DCC: variants seen among roughly 807,000 people sequenced by gnomAD.
DCC encodes netrin receptor DCC.
Under a neutral mutation model 172.5 loss-of-function variants are expected in DCC, and 58 were observed. The observed-to-expected ratio is 0.34, with a 90% CI of 0.27 to 0.42. The LOEUF is 0.42. Among genes scored for constraint, DCC ranks in the 10% least tolerant of loss-of-function variants. DCC has a pLI of 1.00. For missense variants in DCC, 1,740 were observed against 1,791.0 expected (o/e 0.97, Z 0.51); for synonymous variants, 709 against 644.5 (o/e 1.10, Z -1.52).
intron 7 of DCC, among the ~76,000 whole-genome samples, chr18:53,133,043 G>C (rs1308874881): frequency 6.6e-6 from 1 of 152,118 alleles, no homozygotes; most frequent in Non-Finnish European, 1.5e-5. Flanking sequence ...TTTAGCCACA[G>C]GCCTACTATT....
At chr18:52,916,593 C>G (rs1206374062) in intron 3 of DCC, among the ~76,000 whole-genome samples, 1 of 152,164 alleles carries the variant, frequency 6.6e-6, no homozygotes, top group African/African-American at 2.4e-5. Context: ...GGTAAAAGAT[C>G]TATTCAAAAT....
At chr18:52,659,441 T>C (rs1055407745) in intron 1 of DCC, among the ~76,000 whole-genome samples, 6 of 152,300 alleles carry the variant, frequency 3.9e-5, no homozygotes, top group Admixed American at 3.9e-4. Flanking sequence ...AACCCAACGA[T>C]AATGAAGATC....
At chr18:52,999,003 C>G (rs1344490637) in intron 5 of DCC, among the ~76,000 whole-genome samples, 8 of 152,040 alleles carry the variant, frequency 5.3e-5, no homozygotes, top group Non-Finnish European at 1.2e-4. Context: ...ACTAATTTTT[C>G]AGACATCTGT....
At chr18:53,474,967 T>G (rs1047064831) in intron 25 of DCC, among the ~76,000 whole-genome samples, 1 of 152,224 alleles carries the variant, frequency 6.6e-6, no homozygotes, top group Non-Finnish European at 1.5e-5. Context: ...TGAGGTGGTC[T>G]CAGATGGAGA....
At chr18:52,697,548 A>T (rs1474787071) in intron 1 of DCC, among the ~76,000 whole-genome samples, 1 of 152,218 alleles carries the variant, frequency 6.6e-6, no homozygotes, top group African/African-American at 2.4e-5. Context: ...AAAAAGTATA[A>T]AAAGAACTTA....
At chr18:52,694,349 G>A (rs1199425107) in intron 1 of DCC, among the ~76,000 whole-genome samples, 1 of 151,920 alleles carries the variant, frequency 6.6e-6, no homozygotes, top group African/African-American at 2.4e-5. Context: ...GAAACAATAG[G>A]ACATTAGTGT....
intron 23 of DCC, 120 bp from the exon 24 acceptor site, chr18:53,459,112 G>A (rs1242844242): frequency 2.4e-6 from 2 of 822,100 alleles, no homozygotes; most frequent in East Asian, 5.3e-5. Flanking sequence ...GGGTTTCACA[G>A]GGCTCATTCT....
At chr18:53,002,148 A>G (rs2041575883) in intron 5 of DCC, among the ~76,000 whole-genome samples, 1 of 152,090 alleles carries the variant, frequency 6.6e-6, no homozygotes, top group Non-Finnish European at 1.5e-5. Flanking sequence ...CAGCTTATGC[A>G]CGTCTTAACA....
At position 52,742,410 on chromosome 18, in the gene DCC, AG is replaced by A. The variant is rs369021035; in HGVS notation, c.92-9643del. The stretch of plus-strand genomic sequence containing the variant: ...TCTTTATTGTCTGTTCCTTCCTACT[AG>A]AATATAAAACCTAGAAGGATAGGGA... On this transcript the variant is annotated intron_variant, in intron 1 of 28. Transcript: ENST00000442544. Among the ~76,000 whole-genome samples the A allele has an allele frequency of 2.1e-3, 325 of 152,222 alleles. 1 individual carries two copies. Among genetic ancestry groups the A allele is most frequent in the African/African-American group, 7.5e-3 (310 of 41,528 alleles).
At chr18:52,558,222 G>T (rs1244694081) in intron 1 of DCC, among the ~76,000 whole-genome samples, 1 of 151,544 alleles carries the variant, frequency 6.6e-6, no homozygotes, top group Non-Finnish European at 1.5e-5. Context: ...TAAGATTTTT[G>T]TTAGTGTAAA....
intron 1 of DCC, among the ~76,000 whole-genome samples, chr18:52,443,704 G>A (rs1161598504): frequency 6.6e-6 from 1 of 152,124 alleles, no homozygotes. Flanking sequence ...GAGGCAGCTG[G>A]ACATGTAGAC....
At chr18:53,407,574 C>A (rs12458029) in intron 19 of DCC, among the ~76,000 whole-genome samples, 83,186 of 135,876 alleles carry the variant, frequency 0.61, 26,635 homozygotes, top group East Asian at 0.82. Flanking sequence ...TACTCTCTCT[C>A]TATATATATG....
At chr18:52,846,966 A>T (rs1257794183) in intron 2 of DCC, among the ~76,000 whole-genome samples, 1 of 152,100 alleles carries the variant, frequency 6.6e-6, no homozygotes, top group East Asian at 1.9e-4. Flanking sequence ...GTAAGAAGTC[A>T]GCCTGCCTGA....
At chr18:53,276,601 A>C (rs1316979667) in intron 12 of DCC, among the ~76,000 whole-genome samples, 3 of 152,090 alleles carry the variant, frequency 2.0e-5, no homozygotes, top group Non-Finnish European at 4.4e-5. Flanking sequence ...ATGTGACTTG[A>C]GAGATGTTTA....
intron 27 of DCC, among the ~76,000 whole-genome samples, chr18:53,500,467 TTTCTG>T (rs1379179902): frequency 1.3e-5 from 2 of 152,098 alleles, no homozygotes; most frequent in African/African-American, 2.4e-5. Context: ...TTGACTAACT[TTTCTG>T]TTACTCAGAC....
At chr18:53,360,105 G>A (rs1277961486) in intron 15 of DCC, among the ~76,000 whole-genome samples, 1 of 152,048 alleles carries the variant, frequency 6.6e-6, no homozygotes, top group African/African-American at 2.4e-5. Flanking sequence ...ACCTTTAAAA[G>A]TGGCAAATCA....
chr18:52,796,143 A>G (rs535014758), intron 2 of DCC, among the ~76,000 whole-genome samples: 15 of 148,094 alleles, frequency 1.0e-4, no homozygotes, highest in Non-Finnish European at 2.2e-4. Context: ...CGGTCTTTAT[A>G]GGTGGAGTTA....
intron 8 of DCC, among the ~76,000 whole-genome samples, chr18:53,173,294 C>A (rs940619805): frequency 6.6e-6 from 1 of 152,116 alleles, no homozygotes; most frequent in African/African-American, 2.4e-5. Context: ...CTTCCAGAAA[C>A]TTCATACTGC....
chr18:52,536,827 A>C (rs1398575772), intron 1 of DCC, among the ~76,000 whole-genome samples: 1 of 152,208 alleles, frequency 6.6e-6, no homozygotes, highest in Non-Finnish European at 1.5e-5. Flanking sequence ...ATTCCTAAGA[A>C]GACTCTGATA....
Sources: allele counts gnomAD v4.1 joint callset (sites outside exome capture counted in the v4.1 genomes callset), GRCh38; gene constraint gnomAD v4.1.1; transcripts MANE v1.5; gene names NCBI Gene and HGNC (gene_info 2026-07-23, HGNC 2026-07-21).